The following LRRC3B variants were observed in gnomAD, a reference collection of about 807,000 sequenced individuals.
LRRC3B encodes leucine-rich repeat-containing protein 3B.
Under a neutral mutation model 12.8 loss-of-function variants are expected in LRRC3B, and 2 were observed. The ratio of observed to expected loss-of-function variants is 0.16; its 90% CI spans 0.06 to 0.49. The LOEUF (loss-of-function observed/expected upper bound fraction) is 0.49, where lower values mean the gene tolerates loss of function less well. Ranked by LOEUF, LRRC3B falls within the 20% of genes least tolerant of loss-of-function variation. The pLI, the probability that LRRC3B is intolerant of heterozygous loss-of-function variation, is 0.96. For synonymous variants in LRRC3B, 132 were observed against 122.0 expected, an observed-to-expected ratio of 1.08 and a Z score of -0.54; for missense variants, 189 against 319.4, an observed-to-expected ratio of 0.59 and a Z score of 3.11.
intron 1 of LRRC3B, among the ~76,000 whole-genome samples, chr3:26,671,609 G>A (rs1699750589): frequency 6.6e-6 from 1 of 150,634 alleles, no homozygotes; most frequent in South Asian, 2.1e-4. Flanking sequence ...TGGCCAGGAC[G>A]GTCTCCATCT....
At chr3:26,650,278 C>T (rs1699239461) in intron 1 of LRRC3B, among the ~76,000 whole-genome samples, 1 of 152,168 alleles carries the variant, frequency 6.6e-6, no homozygotes, top group Admixed American at 6.5e-5. Context: ...GTATGGCTCC[C>T]ATTTCTATGG....
intron 1 of LRRC3B, among the ~76,000 whole-genome samples, chr3:26,628,306 TG>T: frequency 6.6e-6 from 1 of 151,940 alleles, no homozygotes; most frequent in East Asian, 1.9e-4. Flanking sequence ...TTAAAAGTCT[TG>T]GGTAAGATAT....
intron 1 of LRRC3B, among the ~76,000 whole-genome samples, chr3:26,668,616 C>A (rs1699657091): frequency 1.3e-5 from 2 of 152,076 alleles, no homozygotes; most frequent in Admixed American, 1.3e-4. Context: ...ACTGCTAAAG[C>A]CTTTTTAATG....
At chr3:26,709,841 G>C (rs1447656470) in exon 2 of LRRC3B, 2 of 1,614,038 alleles carry the variant, frequency 1.2e-6, no homozygotes, top group South Asian at 1.1e-5. Flanking sequence ...AAATCTCAAG[G>C]AAATACCTAG....
chr3:26,640,493 C>T (rs1699007969), intron 1 of LRRC3B, among the ~76,000 whole-genome samples: 1 of 151,450 alleles, frequency 6.6e-6, no homozygotes, highest in African/African-American at 2.4e-5. Context: ...TTATGCAGAC[C>T]CCAGCTTAGA....
intron 1 of LRRC3B, among the ~76,000 whole-genome samples, chr3:26,686,559 T>A (rs1207508932): frequency 6.6e-5 from 10 of 152,194 alleles, no homozygotes; most frequent in Non-Finnish European, 1.2e-4. Context: ...GTTACATAAC[T>A]TCTTGGAGTA....
intron 1 of LRRC3B, among the ~76,000 whole-genome samples, chr3:26,654,019 T>C (rs571115222): frequency 1.2e-4 from 18 of 152,272 alleles, no homozygotes; most frequent in African/African-American, 4.1e-4. Flanking sequence ...ATTTCCTAGA[T>C]GGGGAAACAG....
chr3:26,636,818 C>T (rs1575114565), intron 1 of LRRC3B, among the ~76,000 whole-genome samples: 1 of 78,830 alleles, frequency 1.3e-5, no homozygotes. Flanking sequence ...CCCTCCCTCC[C>T]TCCCTCCCTC....
chr3:26,692,631 ACTGTT>A (rs924242579), intron 1 of LRRC3B, among the ~76,000 whole-genome samples: 3 of 152,218 alleles, frequency 2.0e-5, no homozygotes, highest in African/African-American at 7.2e-5. Context: ...TAAAAAGCAT[ACTGTT>A]CTGTTAGTTG....
intron 1 of LRRC3B, among the ~76,000 whole-genome samples, chr3:26,649,665 T>G (rs1464908116): frequency 3.3e-5 from 5 of 152,188 alleles, no homozygotes; most frequent in Non-Finnish European, 5.9e-5. Context: ...ACCTCATATT[T>G]CACATCACTG....
intron 1 of LRRC3B, among the ~76,000 whole-genome samples, chr3:26,706,493 C>A (rs566670482): frequency 7.2e-5 from 11 of 152,272 alleles, no homozygotes; most frequent in African/African-American, 2.6e-4. Context: ...AAGTCCAACT[C>A]CTCTGAAAGC....
chr3:26,698,787 C>G (rs1304969604), intron 1 of LRRC3B, among the ~76,000 whole-genome samples: 1 of 152,076 alleles, frequency 6.6e-6, no homozygotes, highest in Non-Finnish European at 1.5e-5. Context: ...CCCCAAAATA[C>G]TTCAGTATGT....
chr3:26,695,357 C>T (rs1017570774), intron 1 of LRRC3B, among the ~76,000 whole-genome samples: 2 of 152,132 alleles, frequency 1.3e-5, no homozygotes, highest in African/African-American at 4.8e-5. Flanking sequence ...GAAACCCAGT[C>T]TCTACTAAAA....
chr3:26,660,417 T>C (rs1321724434), intron 1 of LRRC3B, among the ~76,000 whole-genome samples: 1 of 152,226 alleles, frequency 6.6e-6, no homozygotes, highest in Non-Finnish European at 1.5e-5. Flanking sequence ...TTAAGTCTCT[T>C]AAATAAATTA....
At chr3:26,682,013 AAATAAT>A (rs749908314) in intron 1 of LRRC3B, among the ~76,000 whole-genome samples, 6 of 151,996 alleles carry the variant, frequency 3.9e-5, no homozygotes, top group East Asian at 1.9e-4. Context: ...TATTAACAAT[AAATAAT>A]AATAAAATAT....
At chr3:26,685,521 C>CTATATATATATATA (rs1297622788) in intron 1 of LRRC3B, among the ~76,000 whole-genome samples, 1 of 41,516 alleles carries the variant, frequency 2.4e-5, no homozygotes, top group African/African-American at 1.1e-4. Context: ...CTCTCTCTCT[C>CTATATATATATATA]TCTATATATA....
At chr3:26,656,559 C>T (rs1268893392) in intron 1 of LRRC3B, among the ~76,000 whole-genome samples, 1 of 152,128 alleles carries the variant, frequency 6.6e-6, no homozygotes, top group Non-Finnish European at 1.5e-5. Context: ...ATTTCCATTC[C>T]ACTGGCCAGA....
intron 1 of LRRC3B, among the ~76,000 whole-genome samples, chr3:26,706,953 T>C (rs1233639239): frequency 1.3e-5 from 2 of 152,224 alleles, no homozygotes; most frequent in Non-Finnish European, 2.9e-5. Context: ...AACATATTTA[T>C]TTAGTCCTCA....
chr3:26,667,119 G>GAAAAAA (rs368094321), intron 1 of LRRC3B, among the ~76,000 whole-genome samples: 2 of 101,522 alleles, frequency 2.0e-5, no homozygotes, highest in Non-Finnish European at 4.6e-5. Flanking sequence ...TCACTTTCAA[G>GAAAAAA]AAAAAAAAAA....
Sources: allele counts gnomAD v4.1 joint callset (sites outside exome capture counted in the v4.1 genomes callset), GRCh38; gene constraint gnomAD v4.1.1; transcripts MANE v1.5; gene names NCBI Gene and HGNC (gene_info 2026-07-23, HGNC 2026-07-21).